The following PTPRD variants were observed in gnomAD, a reference collection of about 807,000 sequenced individuals.
PTPRD encodes the protein protein tyrosine phosphatase receptor type D.
Under a neutral mutation model 214.5 loss-of-function variants are expected in PTPRD, and 34 were observed. That is an observed-to-expected ratio of 0.16 (90% CI 0.12 to 0.21). The LOEUF is 0.21. Among genes scored for constraint, PTPRD ranks in the 10% least tolerant of loss-of-function variants. The pLI, the probability that PTPRD is intolerant of heterozygous loss-of-function variation, is 1.00. For synonymous variants in PTPRD, 1,128 were observed against 845.7 expected (o/e 1.33, Z -5.79); for missense variants, 2,545 against 2,398.7 (o/e 1.06, Z -1.27).
At chr9:8,488,524 T>C (rs1345419410) in intron 27 of PTPRD, among the ~76,000 whole-genome samples, 1 of 152,200 alleles carries the variant, frequency 6.6e-6, no homozygotes, top group East Asian at 1.9e-4. Context: ...AGGAACCACA[T>C]CATTGTGTAC....
At chr9:8,632,339 G>T (rs1490158148) in intron 14 of PTPRD, among the ~76,000 whole-genome samples, 1 of 151,598 alleles carries the variant, frequency 6.6e-6, no homozygotes, top group African/African-American at 2.4e-5. Flanking sequence ...ATCCCTCCAT[G>T]GGGGTAAAAA....
chr9:8,870,031 A>C (rs372932383), intron 11 of PTPRD, among the ~76,000 whole-genome samples: 1 of 151,872 alleles, frequency 6.6e-6, no homozygotes, highest in East Asian at 1.9e-4. Flanking sequence ...CAGGGGCTTT[A>C]GCATTTAGTT....
At chr9:9,093,847 G>A (rs2099779732) in intron 10 of PTPRD, among the ~76,000 whole-genome samples, 1 of 150,606 alleles carries the variant, frequency 6.6e-6, no homozygotes, top group African/African-American at 2.4e-5. Flanking sequence ...ATGAAAAACA[G>A]AAATACAATA....
intron 35 of PTPRD, among the ~76,000 whole-genome samples, chr9:8,432,450 T>C (rs566929636): frequency 1.3e-5 from 2 of 152,342 alleles, no homozygotes; most frequent in East Asian, 1.9e-4. Context: ...CCTCGTATTC[T>C]GACCTCAGGA....
intron 44 of PTPRD, 111 bp downstream of exon 44, chr9:8,331,471 T>TACATTGCCAAGAATAAAATTTC: frequency 8.0e-7 from 1 of 1,242,746 alleles, no homozygotes; most frequent in South Asian, 1.5e-5. Context: ...AGTTTTGTAA[T>TACATTGCCAAGAATAAAATTTC]ACATTGCCAA....
intron 37 of PTPRD, among the ~76,000 whole-genome samples, chr9:8,388,026 T>C (rs2087835419): frequency 6.6e-6 from 1 of 152,220 alleles, no homozygotes; most frequent in Admixed American, 6.5e-5. Context: ...TTTTAGACAA[T>C]ATTTCAACAT....
intron 9 of PTPRD, among the ~76,000 whole-genome samples, chr9:9,261,338 C>A (rs556345687): frequency 6.6e-6 from 1 of 151,898 alleles, no homozygotes; most frequent in South Asian, 2.1e-4. Flanking sequence ...TTCAAAGGAT[C>A]TAATTTCTTT....
intron 35 of PTPRD, among the ~76,000 whole-genome samples, chr9:8,417,000 G>A (rs553850824): frequency 3.0e-4 from 45 of 151,838 alleles, no homozygotes; most frequent in Non-Finnish European, 5.2e-4. Context: ...TAATAGATAC[G>A]TAAATTATAA....
chr9:9,652,528 T>C (rs2096389461), intron 7 of PTPRD, among the ~76,000 whole-genome samples: 1 of 152,196 alleles, frequency 6.6e-6, no homozygotes, highest in Non-Finnish European at 1.5e-5. Flanking sequence ...ATTGCCTATC[T>C]GAAAGGGTCA....
At chr9:10,156,168 T>C (rs1023226576) in intron 3 of PTPRD, among the ~76,000 whole-genome samples, 2 of 151,454 alleles carry the variant, frequency 1.3e-5, no homozygotes, top group Admixed American at 1.3e-4. Context: ...ATTTCTTGTC[T>C]TCTGCCAGCT....
At chr9:9,819,067 G>A (rs1046809148) in intron 5 of PTPRD, among the ~76,000 whole-genome samples, 3 of 152,064 alleles carry the variant, frequency 2.0e-5, no homozygotes, top group African/African-American at 7.2e-5. Flanking sequence ...AATGTTCCCT[G>A]ATAGGTAGCA....
chr9:9,264,985 A>T (rs1033613940), intron 9 of PTPRD, among the ~76,000 whole-genome samples: 2 of 151,646 alleles, frequency 1.3e-5, no homozygotes, highest in African/African-American at 4.8e-5. Context: ...TCACAGACAA[A>T]TAAAAGCTAA....
At chr9:9,281,417 G>A (rs1947644090) in intron 9 of PTPRD, among the ~76,000 whole-genome samples, 1 of 151,096 alleles carries the variant, frequency 6.6e-6, no homozygotes, top group Non-Finnish European at 1.5e-5. Context: ...CCAAAAACCT[G>A]ATTGAAAAAA....
chr9:9,914,960 C>T (rs915791022), intron 5 of PTPRD, among the ~76,000 whole-genome samples: 3 of 152,172 alleles, frequency 2.0e-5, no homozygotes, highest in African/African-American at 7.2e-5. Context: ...CCTGTAGCCC[C>T]AAACCCAGTG....
chr9:9,806,461 T>A (rs954302593), intron 5 of PTPRD, among the ~76,000 whole-genome samples: 26 of 151,980 alleles, frequency 1.7e-4, no homozygotes, highest in African/African-American at 5.6e-4. Flanking sequence ...CTTGTGACAA[T>A]ACACCCTCCC....
intron 12 of PTPRD, among the ~76,000 whole-genome samples, chr9:8,659,615 C>A (rs2154352907): frequency 6.6e-6 from 1 of 152,260 alleles, no homozygotes; most frequent in East Asian, 1.9e-4. Flanking sequence ...AGTGGATTCC[C>A]ATCTGTGGGG....
At chr9:9,145,665 C>T (rs1191170807) in intron 10 of PTPRD, among the ~76,000 whole-genome samples, 1 of 152,072 alleles carries the variant, frequency 6.6e-6, no homozygotes, top group African/African-American at 2.4e-5. Context: ...TAAAATTGCC[C>T]TCATGTCTAA....
intron 14 of PTPRD, among the ~76,000 whole-genome samples, chr9:8,552,432 G>C (rs1234035963): frequency 6.6e-6 from 1 of 152,140 alleles, no homozygotes; most frequent in African/African-American, 2.4e-5. Context: ...TTCTCCCAGA[G>C]CACTGTATAA....
chr9:8,337,645 A>T (rs1187483819), intron 43 of PTPRD, among the ~76,000 whole-genome samples: 1 of 151,838 alleles, frequency 6.6e-6, no homozygotes, highest in Non-Finnish European at 1.5e-5. Flanking sequence ...AAAATTATAC[A>T]ATCACAGGGA....
Sources: gnomAD v4.1 joint callset for allele counts (sites outside exome capture counted in the v4.1 genomes callset) on GRCh38, gnomAD v4.1.1 for gene constraint, MANE v1.5 for transcripts, NCBI Gene and HGNC (gene_info 2026-07-23, HGNC 2026-07-21) for gene names.